Variants in DLGAP1 observed in about 807,000 individuals in gnomAD.
DLGAP1 encodes disks large-associated protein 1.
A neutral mutation model predicts 90.8 loss-of-function variants in DLGAP1; 11 were observed. The ratio of observed to expected loss-of-function variants is 0.12; its 90% CI spans 0.08 to 0.20. DLGAP1 has a LOEUF of 0.20. Among genes scored for constraint, DLGAP1 ranks in the 10% least tolerant of loss-of-function variants. The probability of loss-of-function intolerance (pLI) is 1.00; values close to 1 mark genes in which losing one functional copy is unlikely to be tolerated. For synonymous variants in DLGAP1, 558 were observed against 540.7 expected (o/e 1.03, Z -0.44); for missense variants, 1,050 against 1,333.8 (o/e 0.79, Z 3.31).
intron 9 of DLGAP1, among the ~76,000 whole-genome samples, chr18:3,550,245 A>G (rs2053310852): frequency 6.6e-6 from 1 of 151,836 alleles, no homozygotes; most frequent in Non-Finnish European, 1.5e-5. Flanking sequence ...TTTTTATTTG[A>G]GACAGGGTAT....
chr18:4,155,374 A>G (rs951537659), intron 1 of DLGAP1, among the ~76,000 whole-genome samples: 4 of 152,292 alleles, frequency 2.6e-5, no homozygotes, highest in African/African-American at 9.6e-5. Flanking sequence ...CCATGCTTAT[A>G]TGTGGATTTG....
intron 2 of DLGAP1, among the ~76,000 whole-genome samples, chr18:4,073,337 A>G (rs917861767): frequency 6.6e-6 from 1 of 152,186 alleles, no homozygotes; most frequent in African/African-American, 2.4e-5. Context: ...AAGCCCTAGC[A>G]CACACAGCTG....
intron 7 of DLGAP1, among the ~76,000 whole-genome samples, chr18:3,627,883 T>G (rs1286076179): frequency 1.4e-5 from 2 of 145,356 alleles, no homozygotes; most frequent in Non-Finnish European, 3.0e-5. Flanking sequence ...TCCTTTTTTT[T>G]TTTTTTTTTT....
At chr18:3,754,353 C>T (rs955060260) in intron 5 of DLGAP1, among the ~76,000 whole-genome samples, 4 of 152,054 alleles carry the variant, frequency 2.6e-5, no homozygotes, top group African/African-American at 9.7e-5. Flanking sequence ...ACAGTTGACC[C>T]TTGAACAACA....
At chr18:4,304,743 C>T (rs1201497239) in intron 1 of DLGAP1, among the ~76,000 whole-genome samples, 1 of 152,086 alleles carries the variant, frequency 6.6e-6, no homozygotes, top group Non-Finnish European at 1.5e-5. Flanking sequence ...CCAGCCTGGC[C>T]AACATGGTGA....
In DLGAP1 at chr18:3,499,306, C is replaced by T; in HGVS notation, c.2813G>A (p.Arg938His). ...CATCAGGCGCTTGCGGGCCTCCTGG[C>T]GCTGCGAGCTCTCCAGCGAGCGCTC... Reference protein sequence around the residue: ...IRERSLESSQRQEARKRLMAA... With the variant: ...IRERSLESSQHQEARKRLMAA... Residue 938 changes from arginine to histidine, a missense_variant, in exon 13 of 13, where the codon CGC becomes CAC. Arg to His is a conservative substitution (Grantham distance 29). Around this residue, in one of 2 missense-constraint regions of DLGAP1, gnomAD observed 565 missense variants for 879.7 expected, o/e 0.64. Coordinates refer to ENST00000315677, the MANE Select transcript of DLGAP1 (RefSeq NM_004746.4). The surrounding 1 kb of genome is among the most constrained non-coding windows in gnomAD (Gnocchi z 6.4). 6.3e-7 allele frequency: 1 copy of T among 1,580,140 alleles called. No individual in the cohort carries two copies. The highest frequency in any genetic ancestry group is 8.6e-7 in the Non-Finnish European group (1 of 1,164,266).
intron 7 of DLGAP1, among the ~76,000 whole-genome samples, chr18:3,709,590 A>G (rs142860804): frequency 8.0e-4 from 122 of 152,324 alleles, no homozygotes; most frequent in African/African-American, 2.8e-3. Flanking sequence ...GAACATGTAC[A>G]TTTGCACTGG....
intron 1 of DLGAP1, among the ~76,000 whole-genome samples, chr18:4,371,274 T>A (rs1017992570): frequency 3.3e-5 from 5 of 152,172 alleles, no homozygotes; most frequent in Admixed American, 3.3e-4. Context: ...TGTTAAGAAG[T>A]CAAATATATG....
At chr18:4,287,547 C>T (rs1221181084) in intron 1 of DLGAP1, among the ~76,000 whole-genome samples, 3 of 152,050 alleles carry the variant, frequency 2.0e-5, no homozygotes, top group African/African-American at 4.8e-5. Flanking sequence ...TTTGCAGGGA[C>T]GTGGATGAAG....
intron 1 of DLGAP1, among the ~76,000 whole-genome samples, chr18:4,198,323 C>T (rs1352585164): frequency 6.6e-6 from 1 of 152,030 alleles, no homozygotes; most frequent in East Asian, 1.9e-4. Context: ...GATTTATCTC[C>T]CATCTGTGGA....
intron 4 of DLGAP1, among the ~76,000 whole-genome samples, chr18:3,830,291 C>T (rs1295990440): frequency 6.6e-6 from 1 of 152,142 alleles, no homozygotes; most frequent in Non-Finnish European, 1.5e-5. Flanking sequence ...ATTGGCCAGG[C>T]GTGGTGGCTC....
chr18:3,906,927 TAC>T (rs1362601688), intron 3 of DLGAP1, among the ~76,000 whole-genome samples: 3 of 152,228 alleles, frequency 2.0e-5, no homozygotes, highest in East Asian at 1.9e-4. Flanking sequence ...CGAATGAATA[TAC>T]GTTTGTATTT....
At chr18:3,864,095 C>T (rs895179479) in intron 4 of DLGAP1, among the ~76,000 whole-genome samples, 3 of 152,160 alleles carry the variant, frequency 2.0e-5, no homozygotes, top group African/African-American at 4.8e-5. Flanking sequence ...CTGGGTCAAA[C>T]AAGTGCTAAA....
At chr18:3,661,182 A>G (rs1355315416) in intron 7 of DLGAP1, among the ~76,000 whole-genome samples, 4 of 152,204 alleles carry the variant, frequency 2.6e-5, no homozygotes, top group Non-Finnish European at 4.4e-5. Context: ...ATCGGCATGT[A>G]CCAGAGTGCC....
intron 7 of DLGAP1, among the ~76,000 whole-genome samples, chr18:3,685,098 A>G (rs367940): frequency 0.16 from 23,670 of 152,120 alleles, 4,230 homozygotes; most frequent in African/African-American, 0.44. Context: ...TGTAAAAAAT[A>G]AGCATATCTT....
At chr18:4,087,046 A>ATACACACATGTATATAC (rs2075692929) in intron 2 of DLGAP1, among the ~76,000 whole-genome samples, 1 of 112,098 alleles carries the variant, frequency 8.9e-6, no homozygotes, top group Admixed American at 8.2e-5. Flanking sequence ...TATATACACA[A>ATACACACATGTATATAC]ACACATATAT....
intron 1 of DLGAP1, among the ~76,000 whole-genome samples, chr18:4,422,225 G>A (rs281007): frequency 0.8 from 120,727 of 151,528 alleles, 50,962 homozygotes; most frequent in East Asian, 0.97. Context: ...ATATATGTAC[G>A]CACATGTAGT....
At chr18:3,575,753 T>G (rs1169606420) in intron 8 of DLGAP1, among the ~76,000 whole-genome samples, 2 of 152,174 alleles carry the variant, frequency 1.3e-5, no homozygotes. Flanking sequence ...AACTTTGCTC[T>G]AAATCCAGAG....
At chr18:4,216,164 A>G (rs1403822763) in intron 1 of DLGAP1, among the ~76,000 whole-genome samples, 1 of 152,070 alleles carries the variant, frequency 6.6e-6, no homozygotes, top group African/African-American at 2.4e-5. Context: ...CGTCCTTCTC[A>G]TGGCAGCAAC....
Sources: gnomAD v4.1 joint callset for allele counts (sites outside exome capture counted in the v4.1 genomes callset) on GRCh38, gnomAD v4.1.1 for gene constraint, gnomAD v4.1.1 regional missense constraint, Gnocchi (gnomAD v3.1) non-coding constraint, MANE v1.5 for transcripts, NCBI Gene and HGNC (gene_info 2026-07-23, HGNC 2026-07-21) for gene names.